BRAP: variants seen among roughly 807,000 people sequenced by gnomAD.
BRAP encodes BRCA1 associated protein.
Under a neutral mutation model 73.4 loss-of-function variants are expected in BRAP, and 42 were observed. The ratio of observed to expected loss-of-function variants is 0.57; its 90% CI spans 0.45 to 0.74. The LOEUF is 0.74. Among genes scored for constraint, BRAP ranks in the 30% least tolerant of loss-of-function variants. BRAP has a pLI of 0.00. For synonymous variants in BRAP, 255 were observed against 267.4 expected (o/e 0.95, Z 0.45); for missense variants, 593 against 751.4 (o/e 0.79, Z 2.46).
Position 111,672,792 on chromosome 12 carries a change from G to A in BRAP, c.634-18C>T. 2 of 1,592,872 alleles carry A rather than the reference G, an allele frequency of 1.3e-6. No individual in the cohort carries two copies. Among genetic ancestry groups the A allele is most frequent in the East Asian group, 2.2e-5 (1 of 44,730 alleles). On this transcript the variant is annotated intron_variant, in intron 4 of 11. Coordinates refer to ENST00000419234, the MANE Select transcript of BRAP (RefSeq NM_006768.5). ...GCATCAGCCTATGTACACCAATGGG[G>A]AAAAGGAAAAAAATTAAGACAGATA...
chr12:111,683,033 G>C (rs1887663398), intron 2 of BRAP, 113 bp downstream of exon 2: 1 of 1,228,372 alleles, frequency 8.1e-7, no homozygotes, highest in African/African-American at 1.5e-5. Context: ...CACACGTAGT[G>C]AAAGACAAAA....
At chr12:111,672,616 C>G (rs545721426) in intron 5 of BRAP, 45 bp downstream of exon 5, 1 of 1,531,044 alleles carries the variant, frequency 6.5e-7, no homozygotes, top group South Asian at 1.1e-5. Flanking sequence ...AATTTTACAC[C>G]AATCTGATAT....
rs1169587542 is a variant in BRAP, at chr12:111,672,650, T to G, written c.747+11A>C. The stretch of plus-strand genomic sequence containing the variant: ...ATATTTTAATTAAATATAGGAACAA[T>G]TCACACTTACATCTTCAGATTTGAG... On this transcript the variant is annotated intron_variant, in intron 5 of 11. Coordinates refer to ENST00000419234, the MANE Select transcript of BRAP (RefSeq NM_006768.5). The G allele has an allele frequency of 6.3e-7, 1 of 1,599,558 alleles. No individual in the cohort carries two copies.
At position 111,644,474 on chromosome 12, in the gene BRAP, C is replaced by T. The variant is rs776311293; in HGVS notation, c.1504G>A (p.Val502Ile). 3 of 1,614,064 alleles carry T rather than the reference C, an allele frequency of 1.9e-6. No homozygotes were observed. In the Admixed American group the frequency reaches 5.0e-5, roughly 27 times the overall value. Residue 502 changes from valine to isoleucine, a missense_variant, in exon 12 of 12, where the codon GTC (valine) becomes ATC (isoleucine). Around this residue, in one of 4 missense-constraint regions of BRAP, gnomAD observed 143 missense variants for 190.4 expected, o/e 0.75. Coordinates refer to ENST00000419234, the MANE Select transcript of BRAP (RefSeq NM_006768.5). ...EMNKCLRANQVLLQNKLKEEE... is the reference protein window; with the variant it reads ...EMNKCLRANQILLQNKLKEEE... ...TCTTTTAGCTTGTTCTGCAGGAGGA[C>T]TTGGTTGGCTCGCAAACACTTGTTC...
At chr12:111,655,423 G>A in intron 10 of BRAP, 143 bp downstream of exon 10, 1 of 572,364 alleles carries the variant, frequency 1.7e-6, no homozygotes, top group Non-Finnish European at 3.0e-6. Flanking sequence ...TCTTTTTAGT[G>A]GCAAAACAGT....
rs537488269 is a variant in BRAP at position 111,642,756 on chromosome 12, T to G, written c.*1443A>C. The stretch of plus-strand genomic sequence containing the variant: ...ACTCAAAGAGTTGGTCTGCCCTAAG[T>G]AAAAATTAAGAATGTCTGAGTACAT... On this transcript the variant is annotated 3_prime_UTR_variant, in exon 12 of 12. Coordinates refer to ENST00000419234, the MANE Select transcript of BRAP (RefSeq NM_006768.5). 1 of 152,324 alleles carries G rather than the reference T, an allele frequency of 6.6e-6. No individual in the cohort carries two copies. Among genetic ancestry groups the G allele is most frequent in the Admixed American group, 6.5e-5 (1 of 15,272 alleles). The allele number at this position is 152,324 out of a possible 1,614,324, so 9.4% of individuals were successfully genotyped here. A position where few individuals can be genotyped will look rare whatever the true frequency, so the allele number is the denominator to read the frequency against.
Position 111,660,857 on chromosome 12 carries a change from G to A in BRAP, c.897-182C>T, listed in dbSNP as rs181832774. Among the ~76,000 whole-genome samples, 10 of 152,206 alleles carry A rather than the reference G, an allele frequency of 6.6e-5. No individual in the cohort carries two copies. The East Asian group carries it at 1.9e-3, about 29-fold the overall frequency. On this transcript the variant is annotated intron_variant, in intron 6 of 11. Transcript: ENST00000419234. ...AAATATACAAAATCTTGATAAAACA[G>A]AGAACAGAGAAATTGGGATCTGCCT... is the stretch of plus-strand genomic sequence containing the variant.
At chr12:111,684,474 C>G (rs1270625121) in intron 1 of BRAP, among the ~76,000 whole-genome samples, 4 of 152,166 alleles carry the variant, frequency 2.6e-5, no homozygotes. Flanking sequence ...CCAAACCAAA[C>G]ACATCTTCTT....
chr12:111,653,322 C>T (rs1480645019), intron 10 of BRAP, among the ~76,000 whole-genome samples: 3 of 152,210 alleles, frequency 2.0e-5, no homozygotes, highest in Non-Finnish European at 4.4e-5. Context: ...TACATCTACA[C>T]TATTTTATCT....
Position 111,683,194 on chromosome 12 carries a change from G to A in BRAP, c.196C>T (p.Arg66Cys), listed in dbSNP as rs200187507. The change falls in exon 2 of 12, where the codon CGT (arginine) becomes TGT (cysteine). Residue 66 changes from arginine (R) to cysteine (C), a missense_variant. Physicochemically the swap from Arg to Cys is radical, Grantham distance 180. This residue lies in a region of BRAP where 304 missense variants were observed against 337.7 expected (regional missense o/e 0.90). Transcript: ENST00000419234. ...KVAIIHQHLG[R>C]REMTDVIIET... ...ATGATCACATCTGTCATTTCTCGAC[G>A]GCCGAGATGCTGATGGATAATCGCT... The A allele has an allele frequency of 9.9e-6, 16 of 1,613,950 alleles. No homozygotes were observed. Among genetic ancestry groups the A allele is most frequent in the African/African-American group, 8.0e-5 (6 of 74,874 alleles).
At chr12:111,681,583 C>CAAA (rs368877992) in intron 3 of BRAP, 54 bp downstream of exon 3, 2,091 of 1,116,570 alleles carry the variant, frequency 1.9e-3, no homozygotes, top group South Asian at 2.8e-3. Flanking sequence ...TAAAGCAAAG[C>CAAA]AAAAAAAAAA....
intron 1 of BRAP, 131 bp downstream of exon 1, chr12:111,685,580 C>A: frequency 7.3e-7 from 1 of 1,373,474 alleles, no homozygotes; most frequent in African/African-American, 1.5e-5. Flanking sequence ...GAGAGGGATC[C>A]CGATTACCTC....
intron 4 of BRAP, among the ~76,000 whole-genome samples, chr12:111,677,019 C>T (rs921972118): frequency 1.3e-5 from 2 of 152,122 alleles, no homozygotes; most frequent in Admixed American, 1.3e-4. Flanking sequence ...GTTTCGCAGT[C>T]TCAGAAAAAC....
intron 5 of BRAP, among the ~76,000 whole-genome samples, chr12:111,668,791 G>C (rs903174173): frequency 2.0e-5 from 3 of 152,020 alleles, no homozygotes. Flanking sequence ...CGAGTAGCTG[G>C]GACTACAGGT....
At position 111,642,817 on chromosome 12, in the gene BRAP, A is replaced by G. The variant is rs1320129613; in HGVS notation, c.*1382T>C. On this transcript the variant is annotated 3_prime_UTR_variant, in exon 12 of 12. Coordinates refer to ENST00000419234, the MANE Select transcript of BRAP (RefSeq NM_006768.5). Reference sequence around the variant, plus strand: ...ACATTACACGTAAAGTTTTTTGGGAAATGCTGCAGCACATCCCACAAAAAC... The same window carrying G: ...ACATTACACGTAAAGTTTTTTGGGAGATGCTGCAGCACATCCCACAAAAAC... 6.6e-6 allele frequency: 1 copy of G among 152,264 alleles called. No individual in the cohort carries two copies. The highest frequency in any genetic ancestry group is 1.9e-4 in the East Asian group (1 of 5,192). The allele number at this position is 152,264 out of a possible 1,614,324, so 9.4% of individuals were successfully genotyped here.
chr12:111,651,635 CTTTT>C (rs761275581), intron 10 of BRAP, among the ~76,000 whole-genome samples: 2 of 124,974 alleles, frequency 1.6e-5, no homozygotes, highest in Non-Finnish European at 1.7e-5. Flanking sequence ...GATTTCTTTT[CTTTT>C]TTTTTTTTTT....
At chr12:111,682,116 C>T (rs1411051235) in intron 2 of BRAP, among the ~76,000 whole-genome samples, 1 of 152,152 alleles carries the variant, frequency 6.6e-6, no homozygotes, top group Admixed American at 6.5e-5. Flanking sequence ...ATCACGAAAT[C>T]CTAACTGGGA....
chr12:111,669,591 T>C (rs978355498), intron 5 of BRAP, among the ~76,000 whole-genome samples: 9 of 152,166 alleles, frequency 5.9e-5, no homozygotes, highest in African/African-American at 1.9e-4. Flanking sequence ...AAAGGTACCA[T>C]TTCTGATTTA....
chr12:111,644,100 T>A lies in BRAP; in HGVS notation c.*99A>T. The A allele has an allele frequency of 6.7e-7, 1 of 1,483,752 alleles. No individual in the cohort carries two copies. Among genetic ancestry groups the A allele is most frequent in the Non-Finnish European group, 9.0e-7 (1 of 1,114,546 alleles). 91.9% of individuals were successfully genotyped at this position (1,483,752 alleles called of 1,614,324 possible). A position where few individuals can be genotyped will look rare whatever the true frequency, so the allele number is the denominator to read the frequency against. Reference sequence around the variant, plus strand: ...AAACAACTGTGGCTTGATCCTCACTTGTACTTATTAGGGCCCACCCTCACA... The same window carrying A: ...AAACAACTGTGGCTTGATCCTCACTAGTACTTATTAGGGCCCACCCTCACA... On this transcript the variant is annotated 3_prime_UTR_variant, in exon 12 of 12. Coordinates refer to ENST00000419234, the MANE Select transcript of BRAP (RefSeq NM_006768.5).
Sources: allele counts gnomAD v4.1 joint callset (sites outside exome capture counted in the v4.1 genomes callset), GRCh38; gene constraint gnomAD v4.1.1; regional missense constraint gnomAD v4.1.1; transcripts MANE v1.5; gene names NCBI Gene and HGNC (gene_info 2026-07-23, HGNC 2026-07-21).